USP49: variants seen among roughly 807,000 people sequenced by gnomAD.
USP49 encodes ubiquitin carboxyl-terminal hydrolase 49.
A neutral mutation model predicts 58.6 loss-of-function variants in USP49; 24 were observed. The ratio of observed to expected loss-of-function variants is 0.41; its 90% CI spans 0.30 to 0.58. The LOEUF is 0.58. Ranked by LOEUF, USP49 falls within the 20% of genes least tolerant of loss-of-function variation. The pLI is 0.30. For synonymous variants in USP49, 408 were observed against 365.1 expected, an observed-to-expected ratio of 1.12 and a Z score of -1.34; for missense variants, 703 against 866.1, an observed-to-expected ratio of 0.81 and a Z score of 2.36.
intron 2 of USP49, among the ~76,000 whole-genome samples, chr6:41,883,936 G>A (rs1393250638): frequency 6.6e-6 from 1 of 152,152 alleles, no homozygotes; most frequent in East Asian, 1.9e-4. Context: ...TAGCCTAGGT[G>A]CCCATCACTA....
intron 7 of USP49, chr6:41,798,519 AC>A (rs1386318520): frequency 1.4e-6 from 2 of 1,420,788 alleles, no homozygotes; most frequent in East Asian, 2.5e-5. Flanking sequence ...CAGGTGATCC[AC>A]CCACCGCGGC....
intron 2 of USP49, among the ~76,000 whole-genome samples, chr6:41,890,419 A>G (rs1774792459): frequency 6.6e-6 from 1 of 151,568 alleles, no homozygotes; most frequent in Non-Finnish European, 1.5e-5. Flanking sequence ...TTAACCAATT[A>G]AAGTATTAGG....
Position 41,799,917 on chromosome 6 carries a change from G to C in USP49, c.1583C>G (p.Pro528Arg). The C allele has an allele frequency of 6.2e-7, 1 of 1,614,036 alleles. No individual in the cohort carries two copies. The highest frequency in any genetic ancestry group is 8.5e-7 in the Non-Finnish European group (1 of 1,179,954). ...AGCTTCACTCAGAACAAGGGGTTTG[G>C]GATTGGATTTTCGTCGTTTGCCTAT... ...QCNSKRRKSN[P>R]KPLVLSEARK... is the part of the protein sequence containing the mutation. Residue 528 changes from proline (P) to arginine (R), a missense_variant, in exon 6 of 8, where the codon CCC becomes CGC. Transcript: ENST00000682992.
At chr6:41,833,164 C>T (rs1773666059) in intron 3 of USP49, among the ~76,000 whole-genome samples, 1 of 151,688 alleles carries the variant, frequency 6.6e-6, no homozygotes, top group African/African-American at 2.4e-5. Flanking sequence ...CTACAGGTGC[C>T]CGCCACCATG....
At chr6:41,868,712 C>T (rs1774363995) in intron 3 of USP49, 1 of 152,154 alleles carries the variant, frequency 6.6e-6, no homozygotes, top group African/African-American at 2.4e-5. Context: ...ATAATCTAAT[C>T]TACTCCAGAG....
At position 41,880,027 on chromosome 6, in the gene USP49, T is replaced by A. The variant is rs1774576363; in HGVS notation, c.-102-8390A>T. On this transcript the variant is annotated intron_variant, in intron 2 of 7. Transcript: ENST00000682992. ...GATCAAAATAAATGAAATGAACAAG[T>A]AATGTATTTTAAGGAAACACAGATT... 2.0e-5 allele frequency among the ~76,000 whole-genome samples: 3 copies of A among 152,132 alleles called. No individual in the cohort carries two copies. The South Asian group carries it at 6.2e-4, about 32-fold the overall frequency.
chr6:41,812,250 T>G (rs1353098638), intron 3 of USP49, among the ~76,000 whole-genome samples: 7 of 151,796 alleles, frequency 4.6e-5, no homozygotes, highest in African/African-American at 1.7e-4. Flanking sequence ...CGGCTAATTT[T>G]GTATTTTTAG....
intron 3 of USP49, among the ~76,000 whole-genome samples, chr6:41,855,973 G>A (rs1200853985): frequency 4.6e-5 from 7 of 152,162 alleles, no homozygotes; most frequent in Non-Finnish European, 7.4e-5. Context: ...GCTTGAACCC[G>A]GGAAGCAGAG....
chr6:41,826,770 A>C (rs2127338616), intron 3 of USP49, among the ~76,000 whole-genome samples: 1 of 152,282 alleles, frequency 6.6e-6, no homozygotes, highest in African/African-American at 2.4e-5. Context: ...ACAACCTCAC[A>C]GAGCCAAAGA....
At position 41,803,357 on chromosome 6, in the gene USP49, G is replaced by A. The variant is rs930404340; in HGVS notation, c.1561+449C>T. Reference sequence around the variant, plus strand: ...CTTGCTCTGTTGCCCAGGCTGGAGTGCAATGGCGCAATCTTGGCTCACTGC... The same window carrying A: ...CTTGCTCTGTTGCCCAGGCTGGAGTACAATGGCGCAATCTTGGCTCACTGC... On this transcript the variant is annotated intron_variant, in intron 5 of 7. Coordinates refer to ENST00000682992, the MANE Select transcript of USP49 (RefSeq NM_001286554.2). This position sits in a 1 kb window ranked among gnomAD's most constrained non-coding sequence, Gnocchi z 4.1. Among the ~76,000 whole-genome samples the A allele has an allele frequency of 6.6e-6, 1 of 152,210 alleles. No individual in the cohort carries two copies. The highest frequency in any genetic ancestry group is 2.4e-5 in the African/African-American group (1 of 41,452).
intron 3 of USP49, among the ~76,000 whole-genome samples, chr6:41,810,007 C>T (rs889353040): frequency 1.3e-5 from 2 of 150,012 alleles, no homozygotes; most frequent in Non-Finnish European, 3.0e-5. Flanking sequence ...AAAAAATTAG[C>T]CGGGCGCGGT....
chr6:41,797,837 C>A (rs1021578278), intron 7 of USP49: 4 of 982,290 alleles, frequency 4.1e-6, no homozygotes, highest in Non-Finnish European at 4.8e-6. Context: ...CTAACACTGA[C>A]TGAATAAGTA....
intron 3 of USP49, among the ~76,000 whole-genome samples, chr6:41,813,453 T>C (rs547875080): frequency 3.2e-4 from 48 of 152,008 alleles, no homozygotes; most frequent in African/African-American, 1.1e-3. Flanking sequence ...TCAACTCCTC[T>C]GCTAAAAAAA....
chr6:41,869,110 G>A (rs1211132529), intron 3 of USP49, among the ~76,000 whole-genome samples: 4 of 138,192 alleles, frequency 2.9e-5, no homozygotes, highest in Admixed American at 7.8e-5. Flanking sequence ...TTTTAACACC[G>A]AGATAACAGG....
At chr6:41,884,775 A>G (rs1172205983) in intron 2 of USP49, among the ~76,000 whole-genome samples, 5 of 152,214 alleles carry the variant, frequency 3.3e-5, no homozygotes, top group Non-Finnish European at 7.3e-5. Context: ...TATTTTTTCA[A>G]GTCAGATATG....
intron 3 of USP49, among the ~76,000 whole-genome samples, chr6:41,851,119 G>A (rs1048985273): frequency 2.6e-5 from 4 of 152,012 alleles, no homozygotes; most frequent in African/African-American, 9.7e-5. Context: ...TGAGGAGGAG[G>A]GAACACTTCC....
rs557109085 is a variant in USP49, at chr6:41,868,413, C to T, written c.-29+3151G>A. Among the ~76,000 whole-genome samples, 21 of 151,902 alleles carry T rather than the reference C, an allele frequency of 1.4e-4. No individual in the cohort carries two copies. In the East Asian group the frequency reaches 1.6e-3, roughly 11 times the overall value. ...TGCGATCTTGGCTCACTGCAACCTC[C>T]GCCTCCCGGGTTCAAGTGATTCTCC... On this transcript the variant is annotated intron_variant, in intron 3 of 7. Coordinates refer to ENST00000682992, the MANE Select transcript of USP49 (RefSeq NM_001286554.2).
chr6:41,818,861 C>T (rs908900383), intron 3 of USP49, among the ~76,000 whole-genome samples: 2 of 152,104 alleles, frequency 1.3e-5, no homozygotes, highest in Non-Finnish European at 1.5e-5. Context: ...TTTAGCCATA[C>T]TGTATATGTG....
rs145515921 is a variant in USP49 at position 41,827,632 on chromosome 6, C to T, written c.-28-20621G>A. Among the ~76,000 whole-genome samples, 686 of 140,340 alleles carry T rather than the reference C, an allele frequency of 4.9e-3. 5 individuals carry two copies. Among genetic ancestry groups the T allele is most frequent in the African/African-American group, 0.017 (643 of 37,462 alleles). The allele number at this position is 140,340 out of a possible 152,430, so 92.1% of individuals were successfully genotyped here. On this transcript the variant is annotated intron_variant, in intron 3 of 7. Transcript: ENST00000682992. Reference sequence around the variant, plus strand: ...CCAAGATCGCACCACTACCCTCCAGCCTGGGCAATAGAGCAAGGGGCAATA... The same window carrying T: ...CCAAGATCGCACCACTACCCTCCAGTCTGGGCAATAGAGCAAGGGGCAATA...
Sources: allele counts gnomAD v4.1 joint callset (sites outside exome capture counted in the v4.1 genomes callset), GRCh38; gene constraint gnomAD v4.1.1; non-coding constraint Gnocchi (gnomAD v3.1); transcripts MANE v1.5; gene names NCBI Gene and HGNC (gene_info 2026-07-23, HGNC 2026-07-21).